NEK1: variants seen among roughly 807,000 people sequenced by gnomAD.
NEK1 encodes the protein NIMA related kinase 1.
A neutral mutation model predicts 182.1 loss-of-function variants in NEK1; 137 were observed. The observed-to-expected ratio is 0.75, with a 90% CI of 0.65 to 0.87. The LOEUF (loss-of-function observed/expected upper bound fraction) is 0.87. Ranked by LOEUF, NEK1 falls within the 40% of genes least tolerant of loss-of-function variation. NEK1 has a pLI of 0.00. For synonymous variants in NEK1, 513 were observed against 492.2 expected, an observed-to-expected ratio of 1.04 and a Z score of -0.56; for missense variants, 1,391 against 1,494.4, an observed-to-expected ratio of 0.93 and a Z score of 1.14.
At chr4:169,495,684 G>C (rs563260814) in intron 23 of NEK1, among the ~76,000 whole-genome samples, 3 of 151,966 alleles carry the variant, frequency 2.0e-5, no homozygotes, top group African/African-American at 7.3e-5. Context: ...TTTCGTTTTT[G>C]TCAGGTTTGT....
chr4:169,485,412 T>C (rs62334477), intron 23 of NEK1, among the ~76,000 whole-genome samples: 2 of 152,210 alleles, frequency 1.3e-5, no homozygotes, highest in East Asian at 1.9e-4. Flanking sequence ...ATTAGTACAG[T>C]TGAATTGGGC....
At chr4:169,434,202 G>GTTT (rs70964203) in intron 28 of NEK1, among the ~76,000 whole-genome samples, 26 of 81,878 alleles carry the variant, frequency 3.2e-4, no homozygotes, top group African/African-American at 8.7e-4. Context: ...CACTCAAATA[G>GTTT]TTTTTTTTTT....
intron 19 of NEK1, among the ~76,000 whole-genome samples, chr4:169,534,761 T>A (rs1011021020): frequency 6.6e-6 from 1 of 151,904 alleles, no homozygotes; most frequent in South Asian, 2.1e-4. Context: ...TTAACTGCAA[T>A]CCCAGAAAAA....
chr4:169,514,192 T>C (rs1171865079), intron 19 of NEK1, among the ~76,000 whole-genome samples: 1 of 152,044 alleles, frequency 6.6e-6, no homozygotes, highest in Non-Finnish European at 1.5e-5. Flanking sequence ...TTCACCATGT[T>C]AGCCAGGATG....
intron 6 of NEK1, 94 bp from the exon 7 acceptor site, chr4:169,589,608 A>G (rs1294004258): frequency 4.0e-5 from 32 of 809,484 alleles, no homozygotes; most frequent in Non-Finnish European, 5.0e-5. Context: ...CCAGTTAAAA[A>G]AATTGTGCTA....
chr4:169,468,655 C>T lies in NEK1; in HGVS notation c.2435-5260G>A, dbSNP rs529299043. Among the ~76,000 whole-genome samples, 11 of 152,228 alleles carry T rather than the reference C, an allele frequency of 7.2e-5. No homozygotes were observed. In the East Asian group the frequency reaches 2.1e-3, roughly 29 times the overall value. On this transcript the variant is annotated intron_variant, in intron 26 of 35. Transcript: ENST00000507142. ...CATAAAATTAGTTAGGGAGGAGTCC[C>T]TCTTTTTCTGTTGTTTGGAATAGTT...
chr4:169,570,538 C>T (rs1219312532), intron 12 of NEK1, among the ~76,000 whole-genome samples: 35 of 148,820 alleles, frequency 2.4e-4, no homozygotes, highest in African/African-American at 7.2e-4. Context: ...CCAGCATACC[C>T]GTCCGGGAGG....
intron 27 of NEK1, among the ~76,000 whole-genome samples, 199 bp from the exon 28 acceptor site, chr4:169,438,458 T>C (rs1738835051): frequency 6.6e-6 from 1 of 152,252 alleles, no homozygotes; most frequent in Non-Finnish European, 1.5e-5. Flanking sequence ...TAATAATTTC[T>C]ATGGTGGTCA....
At chr4:169,435,779 G>A (rs1055184042) in intron 28 of NEK1, among the ~76,000 whole-genome samples, 11 of 152,116 alleles carry the variant, frequency 7.2e-5, no homozygotes, top group African/African-American at 1.7e-4. Flanking sequence ...TGGGAGTGAC[G>A]TCATTTTGCG....
intron 27 of NEK1, among the ~76,000 whole-genome samples, chr4:169,451,256 G>A (rs1053201105): frequency 1.3e-5 from 2 of 152,098 alleles, no homozygotes; most frequent in African/African-American, 4.8e-5. Flanking sequence ...GGATATCCAG[G>A]ACCTGAACTC....
intron 27 of NEK1, among the ~76,000 whole-genome samples, chr4:169,441,236 C>G (rs1156540824): frequency 6.6e-6 from 1 of 152,202 alleles, no homozygotes; most frequent in African/African-American, 2.4e-5. Flanking sequence ...CCCCTAGCAC[C>G]TGGGTGAATG....
intron 19 of NEK1, among the ~76,000 whole-genome samples, chr4:169,534,696 G>A (rs1348806551): frequency 8.8e-6 from 1 of 113,222 alleles, no homozygotes; most frequent in East Asian, 2.3e-4. Context: ...TTCTGTACTG[G>A]CCTGGCCAAA....
At chr4:169,553,542 C>T (rs7693196) in intron 18 of NEK1, among the ~76,000 whole-genome samples, 16,751 of 151,532 alleles carry the variant, frequency 0.11, 1,011 homozygotes, top group East Asian at 0.17. Context: ...TTCCACTCTG[C>T]AAAACAAAAT....
At chr4:169,584,898 T>C (rs137922658) in intron 10 of NEK1, among the ~76,000 whole-genome samples, 73 of 152,208 alleles carry the variant, frequency 4.8e-4, no homozygotes, top group African/African-American at 1.8e-3. Context: ...TATATAAGAA[T>C]GGAAAGGCTG....
chr4:169,401,697 C>G lies in NEK1; in HGVS notation c.3538G>C (p.Asp1180His), dbSNP rs751579752. 6.2e-7 allele frequency: 1 copy of G among 1,613,936 alleles called. No homozygotes were observed. Among genetic ancestry groups the G allele is most frequent in the South Asian group, 1.1e-5 (1 of 91,066 alleles). Residue 1180 changes from aspartate to histidine, a missense_variant, in exon 33 of 36, where the codon GAC becomes CAC. This residue lies in a region of NEK1 where 1,216 missense variants were observed against 1,277.6 expected (regional missense o/e 0.95). Transcript: ENST00000507142. Reference protein sequence around the residue: ...ANGTDVADEDDNPSSESALNE... With the variant: ...ANGTDVADEDHNPSSESALNE... ...AGGGCACTTTCACTGCTGGGATTGTCATCTTCATCTGCCACATCTGTCCCA... is the reference window on the plus strand; with the variant it reads ...AGGGCACTTTCACTGCTGGGATTGTGATCTTCATCTGCCACATCTGTCCCA...
intron 23 of NEK1, among the ~76,000 whole-genome samples, chr4:169,500,288 T>C (rs1752187372): frequency 6.6e-6 from 1 of 152,136 alleles, no homozygotes; most frequent in South Asian, 2.1e-4. Flanking sequence ...ATTTTCCAGG[T>C]GCCGTCTGTC....
At chr4:169,459,575 T>C (rs1211932060) in intron 27 of NEK1, among the ~76,000 whole-genome samples, 1 of 152,326 alleles carries the variant, frequency 6.6e-6, no homozygotes, top group East Asian at 1.9e-4. Flanking sequence ...AACCTGCTCA[T>C]AGATGTTTAT....
intron 23 of NEK1, among the ~76,000 whole-genome samples, chr4:169,502,892 T>C (rs989632050): frequency 6.6e-6 from 1 of 152,028 alleles, no homozygotes; most frequent in African/African-American, 2.4e-5. Flanking sequence ...GCAATCAGGC[T>C]AGAGAAAAAA....
chr4:169,543,836 T>A (rs567667721), intron 18 of NEK1, among the ~76,000 whole-genome samples: 3 of 152,366 alleles, frequency 2.0e-5, no homozygotes, highest in Admixed American at 6.5e-5. Context: ...TGATTTTGTA[T>A]GCTGAGACTT....
Sources: gnomAD v4.1 joint callset for allele counts (sites outside exome capture counted in the v4.1 genomes callset) on GRCh38, gnomAD v4.1.1 for gene constraint, gnomAD v4.1.1 regional missense constraint, MANE v1.5 for transcripts, NCBI Gene and HGNC (gene_info 2026-07-23, HGNC 2026-07-21) for gene names.